The following DLG2 variants were observed in gnomAD, a reference collection of about 807,000 sequenced individuals.
The protein encoded by DLG2 is discs large MAGUK scaffold protein 2, also known as disks large homolog 2.
Under a neutral mutation model 132.5 loss-of-function variants are expected in DLG2, and 45 were observed. The ratio of observed to expected loss-of-function variants is 0.34; its 90% CI spans 0.27 to 0.44. The LOEUF (loss-of-function observed/expected upper bound fraction) is 0.44. Ranked by LOEUF, DLG2 falls within the 20% of genes least tolerant of loss-of-function variation. The probability of loss-of-function intolerance (pLI) is 1.00; values close to 1 mark genes in which losing one functional copy is unlikely to be tolerated. For missense variants in DLG2, 1,045 were observed against 1,196.9 expected, an observed-to-expected ratio of 0.87 and a Z score of 1.87; for synonymous variants, 424 against 419.6, an observed-to-expected ratio of 1.01 and a Z score of -0.13.
intron 3 of DLG2, among the ~76,000 whole-genome samples, chr11:85,508,874 G>A (rs187516875): frequency 3.2e-4 from 48 of 152,114 alleles, no homozygotes; most frequent in African/African-American, 1.1e-3. Context: ...TTATTAACTT[G>A]TTATCTAATC....
chr11:83,836,701 C>T (rs890739086), intron 16 of DLG2, among the ~76,000 whole-genome samples: 2 of 152,206 alleles, frequency 1.3e-5, no homozygotes, highest in Admixed American at 1.3e-4. Context: ...CCTCTTAGAA[C>T]TCTGCCTACC....
chr11:84,914,769 C>G (rs1388345536), intron 6 of DLG2, among the ~76,000 whole-genome samples: 1 of 152,106 alleles, frequency 6.6e-6, no homozygotes, highest in Non-Finnish European at 1.5e-5. Context: ...CTGTGAGGCC[C>G]GGAACAAGGC....
intron 21 of DLG2, among the ~76,000 whole-genome samples, chr11:83,526,660 T>C (rs963212450): frequency 6.6e-6 from 1 of 152,206 alleles, no homozygotes; most frequent in African/African-American, 2.4e-5. Flanking sequence ...ATAAGTTTCC[T>C]GGAAAATTTT....
intron 6 of DLG2, among the ~76,000 whole-genome samples, chr11:85,002,614 T>A (rs2058313446): frequency 6.6e-6 from 1 of 152,122 alleles, no homozygotes; most frequent in Non-Finnish European, 1.5e-5. Context: ...GCCTTGAGAT[T>A]TTAGTGTCCA....
chr11:85,323,033 T>C (rs1167385206), intron 3 of DLG2, among the ~76,000 whole-genome samples: 1 of 152,230 alleles, frequency 6.6e-6, no homozygotes, highest in Non-Finnish European at 1.5e-5. Flanking sequence ...TAAAATAAAG[T>C]AAAACAATTC....
At chr11:84,790,944 T>C (rs1356271779) in intron 6 of DLG2, among the ~76,000 whole-genome samples, 1 of 152,172 alleles carries the variant, frequency 6.6e-6, no homozygotes, top group Non-Finnish European at 1.5e-5. Context: ...TATTGGTCTA[T>C]GTATTAGTCT....
At chr11:85,101,935 T>G (rs1376377709) in intron 6 of DLG2, among the ~76,000 whole-genome samples, 1 of 152,024 alleles carries the variant, frequency 6.6e-6, no homozygotes, top group Non-Finnish European at 1.5e-5. Context: ...ATATACATGG[T>G]CTTCTCCAAA....
In DLG2 at chr11:84,540,382, G is replaced by T. The variant is rs533479173; in HGVS notation, c.358-5651C>A. Among the ~76,000 whole-genome samples the T allele has an allele frequency of 3.6e-3, 533 of 149,376 alleles. 4 individuals are homozygous for T. Among genetic ancestry groups the T allele is most frequent in the Admixed American group, 3.5e-3 (52 of 15,032 alleles). On this transcript the variant is annotated intron_variant, in intron 6 of 27. Coordinates refer to ENST00000376104, the MANE Select transcript of DLG2 (RefSeq NM_001142699.3). Reference sequence around the variant, plus strand: ...AAAACCCCATCAAAAAGTGGGCAAAGGATATGAACAGACACTTCTCAAAAG... The same window carrying T: ...AAAACCCCATCAAAAAGTGGGCAAATGATATGAACAGACACTTCTCAAAAG...
chr11:84,803,366 T>C (rs1380461891), intron 6 of DLG2, among the ~76,000 whole-genome samples: 2 of 152,226 alleles, frequency 1.3e-5, no homozygotes, highest in African/African-American at 4.8e-5. Flanking sequence ...TTTTGTTTTC[T>C]TCTTTACAAA....
At chr11:84,367,018 TC>T (rs1488164367) in intron 7 of DLG2, among the ~76,000 whole-genome samples, 5 of 152,156 alleles carry the variant, frequency 3.3e-5, no homozygotes, top group Non-Finnish European at 7.4e-5. Context: ...TACATTTTTT[TC>T]AGCACCACAC....
At chr11:85,069,616 A>T (rs866931001) in intron 6 of DLG2, among the ~76,000 whole-genome samples, 1 of 151,992 alleles carries the variant, frequency 6.6e-6, no homozygotes, top group Non-Finnish European at 1.5e-5. Context: ...CCATCTCACA[A>T]CCGTTAGAAT....
intron 5 of DLG2, among the ~76,000 whole-genome samples, chr11:85,119,196 G>A (rs1305920261): frequency 2.6e-5 from 4 of 152,014 alleles, no homozygotes; most frequent in Non-Finnish European, 5.9e-5. Flanking sequence ...TGGAAAGAAT[G>A]TCTGAAATAC....
intron 11 of DLG2, among the ~76,000 whole-genome samples, chr11:83,996,151 A>T (rs181495093): frequency 1.6e-4 from 25 of 152,330 alleles, no homozygotes; most frequent in African/African-American, 5.1e-4. Context: ...TATGATAAAA[A>T]GATGGGCAAA....
Position 84,534,633 on chromosome 11 carries a change from C to A in DLG2, c.456G>T (p.Lys152Asn), listed in dbSNP as rs1254449389. 5 of 1,614,044 alleles carry A rather than the reference C, an allele frequency of 3.1e-6. No homozygotes were observed. The Admixed American group carries it at 8.3e-5, about 27-fold the overall frequency. The change falls in exon 7 of 28, where the codon AAG (lysine) becomes AAT (asparagine). Residue 152 changes from lysine (K) to asparagine (N), a missense_variant. Transcript: ENST00000376104. ...RGPELVHVSE[K>N]NLSQIENVHG... Reference sequence around the variant, plus strand: ...GGACATTTTCTATTTGAGAGAGGTTCTTTTCTGATACATGCACGAGTTCTG... The same window carrying A: ...GGACATTTTCTATTTGAGAGAGGTTATTTTCTGATACATGCACGAGTTCTG...
In DLG2 at chr11:83,914,656, G is replaced by A. The variant is rs1294701799; in HGVS notation, c.1496+15672C>T. On this transcript the variant is annotated intron_variant, in intron 15 of 27. Coordinates refer to ENST00000376104, the MANE Select transcript of DLG2 (RefSeq NM_001142699.3). ...GGATAAGGAAACTAAGGCATAAAGA[G>A]GCTACACGGCTAGTGAGTAGAGCCA... Among the ~76,000 whole-genome samples, 3 of 152,098 alleles carry A rather than the reference G, an allele frequency of 2.0e-5. No homozygotes were observed. The East Asian group carries it at 5.8e-4, about 29-fold the overall frequency.
At position 85,132,533 on chromosome 11, in the gene DLG2, AAAAC is replaced by A. The variant is rs1220820055; in HGVS notation, c.283-20802_283-20799del. ...CCATAAAAAAAAAACAAAAAACAAAAAAACAGGCAAATTCTCCTTCCATTTGCAC... is the reference window on the plus strand; with the variant it reads ...CCATAAAAAAAAAACAAAAAACAAAAAGGCAAATTCTCCTTCCATTTGCAC... On this transcript the variant is annotated intron_variant, in intron 5 of 27. Transcript: ENST00000376104. Among the ~76,000 whole-genome samples, 6 of 152,312 alleles carry A rather than the reference AAAAC, an allele frequency of 3.9e-5. No individual in the cohort carries two copies. The East Asian group carries it at 1.2e-3, about 29-fold the overall frequency.
intron 18 of DLG2, among the ~76,000 whole-genome samples, chr11:83,667,754 C>T (rs945408097): frequency 4.6e-5 from 7 of 151,714 alleles, no homozygotes; most frequent in Admixed American, 3.9e-4. Flanking sequence ...CCGAGGCGGG[C>T]GGATCACGAG....
intron 3 of DLG2, among the ~76,000 whole-genome samples, chr11:85,484,667 A>T (rs1158714159): frequency 6.6e-6 from 1 of 152,112 alleles, no homozygotes; most frequent in Non-Finnish European, 1.5e-5. Flanking sequence ...ACCTCACGCC[A>T]GTTAGAATGG....
At chr11:85,543,964 C>A (rs1188471774) in intron 3 of DLG2, among the ~76,000 whole-genome samples, 2 of 152,068 alleles carry the variant, frequency 1.3e-5, no homozygotes, top group African/African-American at 4.8e-5. Flanking sequence ...ATGACAGTTT[C>A]TTTTGCTGTG....
Sources: allele counts gnomAD v4.1 joint callset (sites outside exome capture counted in the v4.1 genomes callset), GRCh38; gene constraint gnomAD v4.1.1; transcripts MANE v1.5; gene names NCBI Gene and HGNC (gene_info 2026-07-23, HGNC 2026-07-21).